Variants in FSD2 observed in about 807,000 individuals in gnomAD.
FSD2 encodes fibronectin type III and SPRY domain containing 2.
A neutral mutation model predicts 80.4 loss-of-function variants in FSD2; 71 were observed. The observed-to-expected ratio is 0.88, with a 90% CI of 0.73 to 1.08. The LOEUF (loss-of-function observed/expected upper bound fraction) is 1.08. FSD2 is among the 50% of genes least tolerant of loss of function. The pLI is 0.00. For missense variants in FSD2, 923 were observed against 913.8 expected (o/e 1.01, Z -0.13); for synonymous variants, 361 against 329.5 (o/e 1.10, Z -1.03).
chr15:82,793,544 A>T (rs894692204), intron 1 of FSD2, among the ~76,000 whole-genome samples: 1 of 152,226 alleles, frequency 6.6e-6, no homozygotes. Flanking sequence ...TAGGAGAGAC[A>T]GTGAAGATGG....
At chr15:82,780,290 A>G in intron 4 of FSD2, 23 bp from the exon 5 acceptor site, 3 of 1,443,470 alleles carry the variant, frequency 2.1e-6, no homozygotes, top group Non-Finnish European at 2.8e-6. Context: ...AAGAGAAAAT[A>G]TTAAGTTGAT....
At chr15:82,785,847 G>A (rs906278876) in intron 3 of FSD2, among the ~76,000 whole-genome samples, 5 of 151,936 alleles carry the variant, frequency 3.3e-5, no homozygotes, top group African/African-American at 7.3e-5. Context: ...TGGTTTCTCC[G>A]CCAATGCACC....
intron 1 of FSD2, among the ~76,000 whole-genome samples, chr15:82,803,822 C>G (rs752194011): frequency 1.3e-5 from 2 of 152,148 alleles, no homozygotes; most frequent in Non-Finnish European, 1.5e-5. Flanking sequence ...GATCACTGCC[C>G]TCTGGATTCA....
chr15:82,779,414 C>T (rs2049798538), intron 5 of FSD2, among the ~76,000 whole-genome samples: 1 of 152,120 alleles, frequency 6.6e-6, no homozygotes, highest in Admixed American at 6.5e-5. Flanking sequence ...CCTGTAATTC[C>T]AGCACTTTGG....
chr15:82,765,764 T>C, intron 10 of FSD2, 134 bp downstream of exon 10: 1 of 1,121,636 alleles, frequency 8.9e-7, no homozygotes, highest in Non-Finnish European at 1.2e-6. Context: ...ACCCCTGAAC[T>C]CCTTCTGGCC....
chr15:82,793,257 C>T (rs1191281017), intron 1 of FSD2, among the ~76,000 whole-genome samples: 3 of 151,738 alleles, frequency 2.0e-5, no homozygotes, highest in South Asian at 2.1e-4. Context: ...CCTGGCACCA[C>T]GCCTGGCTAA....
At chr15:82,794,119 A>C (rs1442720758) in intron 1 of FSD2, among the ~76,000 whole-genome samples, 1 of 151,982 alleles carries the variant, frequency 6.6e-6, no homozygotes, top group Non-Finnish European at 1.5e-5. Flanking sequence ...AGGCATTTAT[A>C]GCTATAAATT....
chr15:82,793,973 T>G (rs2050205070), intron 1 of FSD2, among the ~76,000 whole-genome samples: 1 of 152,000 alleles, frequency 6.6e-6, no homozygotes, highest in African/African-American at 2.4e-5. Flanking sequence ...TTTTCCCTAT[T>G]GTTTTTCTGT....
At chr15:82,780,607 A>G (rs1417599009) in intron 4 of FSD2, among the ~76,000 whole-genome samples, 2 of 152,046 alleles carry the variant, frequency 1.3e-5, no homozygotes, top group Non-Finnish European at 2.9e-5. Flanking sequence ...TGCTAGGGTT[A>G]CAGGCATGAG....
At chr15:82,787,493 A>G (rs1234002959) in intron 1 of FSD2, 25 bp from the exon 2 acceptor site, 7 of 1,190,324 alleles carry the variant, frequency 5.9e-6, no homozygotes, top group Non-Finnish European at 1.2e-6. Flanking sequence ...GAGGAGGAAA[A>G]TCATTTCTGG....
At chr15:82,788,244 C>T (rs1401262712) in intron 1 of FSD2, among the ~76,000 whole-genome samples, 5 of 151,526 alleles carry the variant, frequency 3.3e-5, no homozygotes, top group Admixed American at 6.6e-5. Flanking sequence ...GCCCATAATC[C>T]CAGTACTTTG....
At chr15:82,789,454 A>G (rs372952450) in intron 1 of FSD2, among the ~76,000 whole-genome samples, 7 of 152,024 alleles carry the variant, frequency 4.6e-5, no homozygotes, top group Non-Finnish European at 1.0e-4. Flanking sequence ...TAGGCAGTTT[A>G]TATATACATT....
chr15:82,780,542 C>A (rs1485658535), intron 4 of FSD2, among the ~76,000 whole-genome samples: 1 of 151,764 alleles, frequency 6.6e-6, no homozygotes, highest in Non-Finnish European at 1.5e-5. Context: ...ACCATATTGG[C>A]CAGGCTGGTC....
At chr15:82,761,659 ATTTTATTTTATTT>A (rs1056165158) in intron 12 of FSD2, among the ~76,000 whole-genome samples, 3 of 149,428 alleles carry the variant, frequency 2.0e-5, no homozygotes, top group African/African-American at 7.3e-5. Context: ...TTATTCTTTT[ATTTTATTTTATTT>A]TTTTATTTTA....
At chr15:82,791,437 CT>C (rs1445228146) in intron 1 of FSD2, among the ~76,000 whole-genome samples, 1 of 152,128 alleles carries the variant, frequency 6.6e-6, no homozygotes, top group Non-Finnish European at 1.5e-5. Flanking sequence ...GTAACACCAT[CT>C]TGGCTCACTG....
At chr15:82,772,527 G>T (rs887385883) in intron 6 of FSD2, among the ~76,000 whole-genome samples, 3 of 152,180 alleles carry the variant, frequency 2.0e-5, no homozygotes, top group Admixed American at 1.3e-4. Context: ...GGGTCCTCTG[G>T]CCCTTCCGTG....
At chr15:82,763,184 G>A (rs2049330907) in intron 11 of FSD2, among the ~76,000 whole-genome samples, 1 of 152,202 alleles carries the variant, frequency 6.6e-6, no homozygotes. Flanking sequence ...AATGGAAAAA[G>A]TCATATTCCC....
At chr15:82,803,602 C>T (rs1005364624) in intron 1 of FSD2, among the ~76,000 whole-genome samples, 1 of 152,178 alleles carries the variant, frequency 6.6e-6, no homozygotes, top group Admixed American at 6.5e-5. Flanking sequence ...ACCCCATACT[C>T]ATCCAACATG....
chr15:82,791,111 G>C (rs2032423226), intron 1 of FSD2, among the ~76,000 whole-genome samples: 1 of 149,898 alleles, frequency 6.7e-6, no homozygotes, highest in Non-Finnish European at 1.5e-5. Flanking sequence ...CCATTCTCCT[G>C]CCTCAGCCTC....
Sources: gnomAD v4.1 joint callset for allele counts (sites outside exome capture counted in the v4.1 genomes callset) on GRCh38, gnomAD v4.1.1 for gene constraint, MANE v1.5 for transcripts, NCBI Gene and HGNC (gene_info 2026-07-23, HGNC 2026-07-21) for gene names.